The following SAMD4A variants were observed in gnomAD, a reference collection of about 807,000 sequenced individuals.
The protein encoded by SAMD4A is protein Smaug homolog 1.
In SAMD4A, 33 loss-of-function variants were observed where a neutral mutation model predicts 81.3. That is an observed-to-expected ratio of 0.41 (90% CI 0.31 to 0.54). The LOEUF is 0.54. Ranked by LOEUF, SAMD4A falls within the 20% of genes least tolerant of loss-of-function variation. SAMD4A has a pLI of 0.37. For missense variants in SAMD4A, 854 were observed against 951.1 expected, an observed-to-expected ratio of 0.90 and a Z score of 1.34; for synonymous variants, 389 against 382.1, an observed-to-expected ratio of 1.02 and a Z score of -0.21.
At chr14:54,736,882 C>A in intron 3 of SAMD4A, 142 bp from the exon 4 acceptor site, 3 of 935,986 alleles carry the variant, frequency 3.2e-6, no homozygotes, top group Non-Finnish European at 4.9e-6. Flanking sequence ...CCATGCCAGG[C>A]CTGTATTCAA....
rs775776849 is a variant in SAMD4A at position 54,748,941 on chromosome 14, A to G, written c.1089+17A>G. The G allele has an allele frequency of 5.2e-6, 8 of 1,533,744 alleles. No individual in the cohort carries two copies. The South Asian group carries it at 8.4e-5, about 16-fold the overall frequency. On this transcript the variant is annotated intron_variant, in intron 5 of 12. Transcript: ENST00000554335. ...GAGGCGCAGGTATGTGCTTGAGGTG[A>G]CTGTTCCCTGAGAGGGTGCCCCAGG...
At chr14:54,775,201 C>A in intron 10 of SAMD4A, 66 bp downstream of exon 10, 1 of 1,582,236 alleles carries the variant, frequency 6.3e-7, no homozygotes, top group Non-Finnish European at 8.7e-7. Flanking sequence ...AGATGTCCCC[C>A]CAGGTGACCC....
chr14:54,598,575 T>A (rs768193421), intron 2 of SAMD4A, among the ~76,000 whole-genome samples: 5 of 152,228 alleles, frequency 3.3e-5, no homozygotes, highest in Non-Finnish European at 5.9e-5. Context: ...AAAACACTCA[T>A]TGGACTCTTC....
chr14:54,603,755 TAAAAA>T (rs201248388), intron 2 of SAMD4A, among the ~76,000 whole-genome samples: 1 of 145,222 alleles, frequency 6.9e-6, no homozygotes, highest in Non-Finnish European at 1.5e-5. Context: ...GCCTTTTCTT[TAAAAA>T]AAAAAAAAAG....
At chr14:54,723,063 C>T (rs1008978063) in intron 3 of SAMD4A, among the ~76,000 whole-genome samples, 9 of 150,958 alleles carry the variant, frequency 6.0e-5, no homozygotes, top group African/African-American at 2.2e-4. Context: ...CACAGCTTTT[C>T]GTTCAGAGAG....
chr14:54,723,729 G>C (rs1389566649), intron 3 of SAMD4A, among the ~76,000 whole-genome samples: 1 of 152,166 alleles, frequency 6.6e-6, no homozygotes, highest in Non-Finnish European at 1.5e-5. Flanking sequence ...AATACTGTTT[G>C]CATCTGTGCA....
At chr14:54,577,494 T>C (rs560805138) in intron 2 of SAMD4A, among the ~76,000 whole-genome samples, 2 of 152,320 alleles carry the variant, frequency 1.3e-5, no homozygotes, top group East Asian at 1.9e-4. Context: ...ATATAAAGCA[T>C]TAAAGTGTAG....
rs1286823182 is a variant in SAMD4A, at chr14:54,774,652, C to CAAAAA, written c.1716-275_1716-271dup. 3.9e-3 allele frequency among the ~76,000 whole-genome samples: 519 copies of CAAAAA among 134,080 alleles called. 7 individuals are homozygous for CAAAAA. Among genetic ancestry groups the CAAAAA allele is most frequent in the African/African-American group, 0.014 (494 of 34,620 alleles). 88.0% of individuals were successfully genotyped at this position (134,080 alleles called of 152,430 possible). Reference sequence around the variant, plus strand: ...CGACATAGTGAGACTCCATCTCTACCAAAAAAAAAAAGTTAGCTGGGCATG... The same window carrying CAAAAA: ...CGACATAGTGAGACTCCATCTCTACCAAAAAAAAAAAAAAAAGTTAGCTGGGCATG... On this transcript the variant is annotated intron_variant, in intron 9 of 12. Coordinates refer to ENST00000554335, the MANE Select transcript of SAMD4A (RefSeq NM_015589.6).
At chr14:54,698,091 CAGAA>C (rs1458022441) in intron 2 of SAMD4A, among the ~76,000 whole-genome samples, 1 of 152,190 alleles carries the variant, frequency 6.6e-6, no homozygotes, top group Non-Finnish European at 1.5e-5. Flanking sequence ...AACCTGCACT[CAGAA>C]GGAAGGGAAT....
At chr14:54,732,140 A>G (rs1313147697) in intron 3 of SAMD4A, among the ~76,000 whole-genome samples, 1 of 152,228 alleles carries the variant, frequency 6.6e-6, no homozygotes, top group East Asian at 1.9e-4. Flanking sequence ...AAGAGTACAC[A>G]TGAACGGTGT....
chr14:54,576,013 T>TC (rs2033284043), intron 2 of SAMD4A, among the ~76,000 whole-genome samples: 1 of 13,854 alleles, frequency 7.2e-5, no homozygotes, highest in African/African-American at 1.4e-4. Context: ...TTTTTTTTTT[T>TC]TTTTTTTTTT....
At chr14:54,640,424 A>T (rs1298672138) in intron 2 of SAMD4A, among the ~76,000 whole-genome samples, 1 of 152,220 alleles carries the variant, frequency 6.6e-6, no homozygotes. Context: ...AGAGTCGCAG[A>T]GACATTGTCA....
intron 5 of SAMD4A, among the ~76,000 whole-genome samples, chr14:54,750,639 A>T (rs1004944289): frequency 6.6e-6 from 1 of 152,160 alleles, no homozygotes; most frequent in Non-Finnish European, 1.5e-5. Flanking sequence ...AAACTAACAA[A>T]TTCCCCATGT....
chr14:54,637,180 C>T (rs2035052905), intron 2 of SAMD4A, among the ~76,000 whole-genome samples: 1 of 151,780 alleles, frequency 6.6e-6, no homozygotes, highest in Admixed American at 6.6e-5. Flanking sequence ...GCCTGGCCAA[C>T]ATGATGAAAC....
At chr14:54,764,778 C>T (rs889697554) in intron 8 of SAMD4A, among the ~76,000 whole-genome samples, 1 of 152,198 alleles carries the variant, frequency 6.6e-6, no homozygotes, top group Non-Finnish European at 1.5e-5. Flanking sequence ...CAGTGAACGC[C>T]TGCAACGACT....
intron 2 of SAMD4A, among the ~76,000 whole-genome samples, chr14:54,640,809 G>C (rs1386498698): frequency 6.6e-6 from 1 of 152,112 alleles, no homozygotes; most frequent in Non-Finnish European, 1.5e-5. Flanking sequence ...GAGAGAGAAT[G>C]CTATGGTATA....
upstream of SAMD4A, among the ~76,000 whole-genome samples, chr14:54,565,826 C>A (rs1594668376): frequency 6.6e-6 from 1 of 151,980 alleles, no homozygotes; most frequent in East Asian, 1.9e-4. This position sits in a 1 kb window ranked among gnomAD's most constrained non-coding sequence, Gnocchi z 5.4. Context: ...CCGGACCCGT[C>A]CTCTTCCCCG....
At chr14:54,729,840 T>A (rs2037514505) in intron 3 of SAMD4A, among the ~76,000 whole-genome samples, 1 of 152,234 alleles carries the variant, frequency 6.6e-6, no homozygotes, top group South Asian at 2.1e-4. Flanking sequence ...TTAGGATTTC[T>A]TGATTTGAAG....
At chr14:54,737,542 CTTTTTTT>C (rs758410575) in intron 4 of SAMD4A, among the ~76,000 whole-genome samples, 5 of 85,448 alleles carry the variant, frequency 5.9e-5, no homozygotes, top group African/African-American at 1.9e-4. Flanking sequence ...CTCTCTCTCT[CTTTTTTT>C]TTTTTTTTTT....
Sources: allele counts gnomAD v4.1 joint callset (sites outside exome capture counted in the v4.1 genomes callset), GRCh38; gene constraint gnomAD v4.1.1; non-coding constraint Gnocchi (gnomAD v3.1); transcripts MANE v1.5; gene names NCBI Gene and HGNC (gene_info 2026-07-23, HGNC 2026-07-21).